DMKN: variants seen among roughly 807,000 people sequenced by gnomAD.
The protein encoded by DMKN is epidermis-specific secreted protein SK30/SK89.
DMKN carries 58 observed loss-of-function variants against 67.6 expected under a neutral mutation model. The observed-to-expected ratio is 0.86, with a 90% CI of 0.69 to 1.07. The LOEUF is 1.07. DMKN is among the 50% of genes least tolerant of loss of function. The pLI, the probability that DMKN is intolerant of heterozygous loss-of-function variation, is 0.00. For missense variants in DMKN, 596 were observed against 601.5 expected (o/e 0.99, Z 0.10); for synonymous variants, 240 against 232.3 (o/e 1.03, Z -0.30).
At chr19:35,510,440 G>T in intron 5 of DMKN, 188 bp from the exon 6 acceptor site, 1 of 1,552,266 alleles carries the variant, frequency 6.4e-7, no homozygotes. Flanking sequence ...AGAAGGCCAG[G>T]TGTGGCCGAG....
chr19:35,512,506 A>T (rs750019879), intron 2 of DMKN, 29 bp from the exon 3 acceptor site: 1 of 1,614,132 alleles, frequency 6.2e-7, no homozygotes, highest in South Asian at 1.1e-5. Context: ...TGAGAGTAGG[A>T]TCCAGAGGGA....
At chr19:35,510,354 C>G in intron 5 of DMKN, 102 bp from the exon 6 acceptor site, 1 of 1,552,548 alleles carries the variant, frequency 6.4e-7, no homozygotes, top group Non-Finnish European at 8.7e-7. Context: ...CAATCAGATT[C>G]CAGTCCTCTT....
chr19:35,509,422 C>T (rs1278985524), intron 7 of DMKN: 1 of 153,602 alleles, frequency 6.5e-6, no homozygotes, highest in African/African-American at 2.4e-5. Context: ...CACCCAGGAG[C>T]TTGTTAGCAA....
chr19:35,498,845 C>A, intron 14 of DMKN, 29 bp downstream of exon 14: 1 of 1,614,172 alleles, frequency 6.2e-7, no homozygotes, highest in Non-Finnish European at 8.5e-7. Context: ...CTCTCTCCAG[C>A]CAGATGAAGA....
rs778110671 is a variant in DMKN, at chr19:35,505,757, T to G, written c.1095A>C (p.Lys365Asn). 6.2e-7 allele frequency: 1 copy of G among 1,614,170 alleles called. No homozygotes were observed. The highest frequency in any genetic ancestry group is 1.1e-5 in the South Asian group (1 of 91,082). ...FNFDTFWKNF[K>N]SKLGFINWDA... ...CCCAGTTGATGAAACCCAGCTTGGA[T>G]TTAAAATTCTATGGAGGAAACAAAA... The change falls in exon 9 of 16, where the codon AAA becomes AAC. Residue 365 changes from lysine (K) to asparagine (N), a missense_variant. Coordinates refer to ENST00000339686, the MANE Select transcript of DMKN (RefSeq NM_033317.5).
chr19:35,498,872 A>G lies in DMKN; in HGVS notation c.1383+2T>C, dbSNP rs2067897791. The G allele has an allele frequency of 6.2e-7, 1 of 1,613,834 alleles. No individual in the cohort carries two copies. The highest frequency in any genetic ancestry group is 8.5e-7 in the Non-Finnish European group (1 of 1,179,996). ...AGATGAAGATCAGGCCCCCATACTCACCGAGGAAGAAGGTGAGACTCCCCC... is the reference window on the plus strand; with the variant it reads ...AGATGAAGATCAGGCCCCCATACTCGCCGAGGAAGAAGGTGAGACTCCCCC... On this transcript the variant is annotated splice_donor_variant, in intron 14 of 15. Coordinates refer to ENST00000339686, the MANE Select transcript of DMKN (RefSeq NM_033317.5). LOFTEE classifies it high-confidence loss of function.
Position 35,511,479 on chromosome 19 carries a change from C to CCACTGATGCT in DMKN, c.849_850insAGCATCAGTG (p.Gly284SerfsTer19), listed in dbSNP as rs776176602. 1 of 948,384 alleles carries CCACTGATGCT rather than the reference C, an allele frequency of 1.1e-6. No individual in the cohort carries two copies. The highest frequency in any genetic ancestry group is 2.1e-5 in the African/African-American group (1 of 48,056). 58.7% of individuals were successfully genotyped at this position (948,384 alleles called of 1,614,324 possible). ...TTGCCACTGCTGCCACCACTGCTGC[C>CCACTGATGCT]GCCACTGCTGCCGCCACTGCTGCTG... On this transcript the variant is annotated frameshift_variant, in exon 5 of 16. Coordinates refer to ENST00000339686, the MANE Select transcript of DMKN (RefSeq NM_033317.5). LOFTEE classifies it high-confidence loss of function.
At chr19:35,510,388 CTT>C (rs765727131) in intron 5 of DMKN, 136 bp from the exon 6 acceptor site, 59 of 1,552,334 alleles carry the variant, frequency 3.8e-5, no homozygotes, top group Non-Finnish European at 4.7e-5. Context: ...CCTTCCCCCT[CTT>C]TAGCCTGTTG....
At chr19:35,510,421 C>G (rs1410119255) in intron 5 of DMKN, 169 bp from the exon 6 acceptor site, 10 of 1,552,220 alleles carry the variant, frequency 6.4e-6, no homozygotes, top group Non-Finnish European at 7.8e-6. Flanking sequence ...GAAGTTATTC[C>G]GAGCATGGAG....
At chr19:35,508,831 T>C (rs1374877317) in intron 7 of DMKN, among the ~76,000 whole-genome samples, 1 of 151,906 alleles carries the variant, frequency 6.6e-6, no homozygotes, top group Non-Finnish European at 1.5e-5. Flanking sequence ...TAGAAGAAAA[T>C]TACCTTAAAG....
chr19:35,510,138 C>T (rs2146182852), intron 6 of DMKN, 46 bp downstream of exon 6: 1 of 1,579,108 alleles, frequency 6.3e-7, no homozygotes, highest in Non-Finnish European at 8.6e-7. Flanking sequence ...CAGCTGCTCT[C>T]CTTTTCCTTC....
At chr19:35,507,107 G>C (rs984825199) in intron 7 of DMKN, 1 of 206,422 alleles carries the variant, frequency 4.8e-6, no homozygotes. Context: ...CCTGGCCAGA[G>C]CTGGCTTTCG....
At position 35,511,791 on chromosome 19, in the gene DMKN, C is replaced by T; in HGVS notation, c.707G>A (p.Gly236Asp). Reference sequence around the variant, plus strand: ...AGAGTTGCTGGAGCCTCCACCTGAGCCAGATGGTGGGGGATTCGTGCACTG... The same window carrying T: ...AGAGTTGCTGGAGCCTCCACCTGAGTCAGATGGTGGGGGATTCGTGCACTG... ...NEGCTNPPPS[G>D]SGGGSSNSGG... Residue 236 changes from glycine to aspartate, a missense_variant, in exon 4 of 16, where the codon GGC (glycine) becomes GAC (aspartate). Gly to Asp is a moderately conservative substitution (Grantham distance 94). Transcript: ENST00000339686. The T allele has an allele frequency of 6.2e-7, 1 of 1,613,356 alleles. No homozygotes were observed. Among genetic ancestry groups the T allele is most frequent in the Non-Finnish European group, 8.5e-7 (1 of 1,179,598 alleles).
chr19:35,507,996 C>T (rs2069924727), intron 7 of DMKN: 2 of 601,674 alleles, frequency 3.3e-6, no homozygotes, highest in South Asian at 4.4e-5. Flanking sequence ...CTGGTCCCCT[C>T]TTAAGGGAGA....
At chr19:35,511,146 G>A (rs1252789123) in intron 5 of DMKN, among the ~76,000 whole-genome samples, 3 of 152,182 alleles carry the variant, frequency 2.0e-5, no homozygotes, top group Non-Finnish European at 4.4e-5. Flanking sequence ...AGACAGGCGG[G>A]ATAACGTCCC....
Position 35,511,596 on chromosome 19 carries a change from G to C in DMKN, c.736-3C>G. ...CCCGACTGTGAGCCGCTGCCTCCCT[G>C]AGGGGCAGGAAGGGAGCAGGGCTGG... is the stretch of plus-strand genomic sequence containing the variant. On this transcript the variant is annotated splice_polypyrimidine_tract_variant and splice_region_variant and intron_variant, in intron 4 of 15. Coordinates refer to ENST00000339686, the MANE Select transcript of DMKN (RefSeq NM_033317.5). 6.2e-7 allele frequency: 1 copy of C among 1,611,712 alleles called. No homozygotes were observed. The highest frequency in any genetic ancestry group is 8.5e-7 in the Non-Finnish European group (1 of 1,179,578).
intron 1 of DMKN, 71 bp downstream of exon 1, chr19:35,512,979 C>T (rs2071069548): frequency 5.7e-6 from 9 of 1,587,504 alleles, no homozygotes; most frequent in Non-Finnish European, 7.7e-6. Context: ...ATCCTTTCAA[C>T]CGTTTCCCAA....
At chr19:35,507,972 A>C in intron 7 of DMKN, 1 of 540,122 alleles carries the variant, frequency 1.9e-6, no homozygotes, top group South Asian at 2.5e-5. Flanking sequence ...CTGAGGCGGC[A>C]TAGAGTAGAC....
At position 35,512,421 on chromosome 19, in the gene DMKN, C is replaced by A. The variant is rs768385906; in HGVS notation, c.684G>T (p.Gly228=). ...GSVRASNQNE[G]CTNPPPSGSG... ...TTTGTTCCCAGCCCCTTCCTCTTAC[C>A]CCTTCATTCTGGTTGCTGGCTCTCA... The change falls in exon 3 of 16, where the codon GGG becomes GGT. Residue 228 remains glycine, a splice_region_variant and synonymous_variant. Coordinates refer to ENST00000339686, the MANE Select transcript of DMKN (RefSeq NM_033317.5). 91 of 1,613,980 alleles carry A rather than the reference C, an allele frequency of 5.6e-5. 1 individual carries two copies. The South Asian group carries it at 9.9e-4, about 18-fold the overall frequency.
Sources: allele counts gnomAD v4.1 joint callset (sites outside exome capture counted in the v4.1 genomes callset), GRCh38; gene constraint gnomAD v4.1.1; transcripts MANE v1.5; gene names NCBI Gene and HGNC (gene_info 2026-07-23, HGNC 2026-07-21).